WDFY4: variants seen among roughly 807,000 people sequenced by gnomAD.
The protein encoded by WDFY4 is WD repeat- and FYVE domain-containing protein 4.
Under a neutral mutation model 351.9 loss-of-function variants are expected in WDFY4, and 169 were observed. That is an observed-to-expected ratio of 0.48 (90% CI 0.42 to 0.55). The LOEUF (loss-of-function observed/expected upper bound fraction) is 0.55, where lower values mean the gene tolerates loss of function less well. WDFY4 is among the 20% of genes least tolerant of loss of function. The probability of loss-of-function intolerance (pLI) is 0.00; values close to 1 mark genes in which losing one functional copy is unlikely to be tolerated. For missense variants in WDFY4, 3,803 were observed against 3,935.6 expected (o/e 0.97, Z 0.90); for synonymous variants, 1,622 against 1,574.6 (o/e 1.03, Z -0.71).
At chr10:48,957,333 T>A in intron 52 of WDFY4, 51 bp downstream of exon 52, 1 of 1,534,710 alleles carries the variant, frequency 6.5e-7, no homozygotes, top group Non-Finnish European at 8.8e-7. Context: ...GGGTGCTCTT[T>A]CCCACAGCCC....
intron 47 of WDFY4, among the ~76,000 whole-genome samples, chr10:48,928,071 C>T (rs574375471): frequency 3.3e-5 from 5 of 152,166 alleles, no homozygotes; most frequent in African/African-American, 7.2e-5. Context: ...GTGTTTTAAG[C>T]GCTGCTATTG....
At chr10:48,753,582 A>G (rs895973506) in intron 12 of WDFY4, among the ~76,000 whole-genome samples, 1 of 152,222 alleles carries the variant, frequency 6.6e-6, no homozygotes, top group Non-Finnish European at 1.5e-5. Context: ...TTTTGCTTAT[A>G]GCTATTCAAC....
rs767260408 is a variant in WDFY4 at position 48,810,663 on chromosome 10, A to C, written c.4972A>C (p.Thr1658Pro). 13 of 1,551,500 alleles carry C rather than the reference A, an allele frequency of 8.4e-6. No individual in the cohort carries two copies. The Admixed American group carries it at 9.8e-5, about 12-fold the overall frequency. The change falls in exon 29 of 62, where the codon ACA (threonine) becomes CCA (proline). Residue 1658 changes from threonine to proline, a missense_variant. This residue lies in a region of WDFY4 where 3,054 missense variants were observed against 3,148.6 expected (regional missense o/e 0.97). Transcript: ENST00000325239. The part of the protein sequence containing the change: ...LYFLASPSLR[T>P]RFRDGLCAGS... The stretch of plus-strand genomic sequence containing the variant: ...CTTTCTGGCAAGCCCCTCCCTCCGC[A>C]CACGGTTTAGAGATGGCCTGTGTGC...
At chr10:48,896,115 C>T (rs1029788442) in intron 44 of WDFY4, among the ~76,000 whole-genome samples, 1 of 152,242 alleles carries the variant, frequency 6.6e-6, no homozygotes, top group African/African-American at 2.4e-5. Context: ...GCAATCGCTT[C>T]AGAATTCAGT....
chr10:48,917,152 C>T (rs1838626177), intron 47 of WDFY4, among the ~76,000 whole-genome samples: 1 of 152,132 alleles, frequency 6.6e-6, no homozygotes. Flanking sequence ...GCTATACCAT[C>T]TAGGTTTGTG....
At chr10:48,923,483 CAAAT>C (rs1267669377) in intron 47 of WDFY4, among the ~76,000 whole-genome samples, 11 of 66,062 alleles carry the variant, frequency 1.7e-4, no homozygotes, top group East Asian at 1.8e-3. Flanking sequence ...AGGTAAACAA[CAAAT>C]AGTTTTTAGT....
intron 51 of WDFY4, 66 bp from the exon 52 acceptor site, chr10:48,957,063 A>G (rs1841625519): frequency 2.0e-6 from 3 of 1,519,058 alleles, no homozygotes; most frequent in Non-Finnish European, 2.7e-6. Flanking sequence ...GGCAGAATGG[A>G]CGGTGCCTGG....
chr10:48,847,040 T>C (rs1291866308), intron 39 of WDFY4, among the ~76,000 whole-genome samples: 1 of 152,200 alleles, frequency 6.6e-6, no homozygotes, highest in African/African-American at 2.4e-5. Flanking sequence ...ATTAGTTTCC[T>C]GGGACAGCCA....
In WDFY4 at chr10:48,709,732, C is replaced by T; in HGVS notation, c.-1C>T. 6.4e-7 allele frequency: 1 copy of T among 1,551,922 alleles called. No homozygotes were observed. The highest frequency in any genetic ancestry group is 8.7e-7 in the Non-Finnish European group (1 of 1,146,960). On this transcript the variant is annotated 5_prime_UTR_variant, in exon 2 of 62. Coordinates refer to ENST00000325239, the MANE Select transcript of WDFY4 (RefSeq NM_001394531.1). ...TGAATTCAGATCTGCTTTGCCACGG[C>T]ATGGAGGCAGAAGATCTTTCAAAGG...
chr10:48,728,604 G>C (rs868056688), intron 7 of WDFY4, among the ~76,000 whole-genome samples: 1 of 152,206 alleles, frequency 6.6e-6, no homozygotes. Context: ...AAAGTCCTTT[G>C]GTCCACCAAG....
intron 53 of WDFY4, 103 bp from the exon 54 acceptor site, chr10:48,963,739 G>A: frequency 2.4e-6 from 3 of 1,270,242 alleles, no homozygotes; most frequent in East Asian, 2.5e-5. Context: ...TCTCCTCTGT[G>A]CAGGGCCAGC....
chr10:48,958,192 A>G (rs1039069773), intron 52 of WDFY4, among the ~76,000 whole-genome samples: 22 of 152,218 alleles, frequency 1.4e-4, no homozygotes, highest in African/African-American at 2.4e-4. Flanking sequence ...AGCCCTAGAC[A>G]TGCAGCCCAC....
intron 47 of WDFY4, among the ~76,000 whole-genome samples, chr10:48,940,705 G>A (rs1840708325): frequency 6.6e-6 from 1 of 152,166 alleles, no homozygotes; most frequent in South Asian, 2.1e-4. Flanking sequence ...GGTCTTGGGG[G>A]TAGAGGAGAG....
At chr10:48,695,517 T>C (rs896754486) in intron 1 of WDFY4, among the ~76,000 whole-genome samples, 2 of 152,264 alleles carry the variant, frequency 1.3e-5, no homozygotes, top group Non-Finnish European at 2.9e-5. Flanking sequence ...TTTCTGAGTC[T>C]CGCTTTACCC....
chr10:48,902,076 C>T (rs76928548), intron 47 of WDFY4, among the ~76,000 whole-genome samples: 2 of 151,828 alleles, frequency 1.3e-5, no homozygotes, highest in African/African-American at 4.9e-5. Flanking sequence ...TCTCACATGC[C>T]CTGTGGCTTT....
intron 24 of WDFY4, among the ~76,000 whole-genome samples, chr10:48,799,054 G>C (rs937592892): frequency 6.6e-6 from 1 of 152,188 alleles, no homozygotes; most frequent in Non-Finnish European, 1.5e-5. Context: ...CTGTGGCCAT[G>C]CTCAGCCAGT....
At chr10:48,784,614 T>C in intron 19 of WDFY4, among the ~76,000 whole-genome samples, 1 of 135,146 alleles carries the variant, frequency 7.4e-6, no homozygotes, top group Non-Finnish European at 1.5e-5. Context: ...CAATCTCGGC[T>C]CACTGAAACC....
intron 26 of WDFY4, among the ~76,000 whole-genome samples, chr10:48,805,753 C>T (rs1306731598): frequency 2.0e-5 from 3 of 152,234 alleles, no homozygotes; most frequent in African/African-American, 7.2e-5. Flanking sequence ...AGAGCAGTCC[C>T]AGCCACCAGT....
intron 33 of WDFY4, 81 bp downstream of exon 33, chr10:48,820,518 G>A: frequency 1.4e-6 from 2 of 1,429,006 alleles, no homozygotes; most frequent in Non-Finnish European, 1.9e-6. Context: ...GATGCACCCA[G>A]GGAGACAGAG....
Sources: allele counts gnomAD v4.1 joint callset (sites outside exome capture counted in the v4.1 genomes callset), GRCh38; gene constraint gnomAD v4.1.1; regional missense constraint gnomAD v4.1.1; transcripts MANE v1.5; gene names NCBI Gene and HGNC (gene_info 2026-07-23, HGNC 2026-07-21).